The following MYT1 variants were observed in gnomAD, a reference collection of about 807,000 sequenced individuals.
MYT1 encodes myelin transcription factor I.
MYT1 carries 23 observed loss-of-function variants against 123.0 expected under a neutral mutation model. That is an observed-to-expected ratio of 0.19 (90% CI 0.13 to 0.26). The LOEUF is 0.26. Among genes scored for constraint, MYT1 ranks in the 10% least tolerant of loss-of-function variants. The pLI, the probability that MYT1 is intolerant of heterozygous loss-of-function variation, is 1.00. For synonymous variants in MYT1, 518 were observed against 575.3 expected (o/e 0.90, Z 1.43); for missense variants, 1,125 against 1,472.5 (o/e 0.76, Z 3.86).
chr20:64,208,473 G>A lies in MYT1; in HGVS notation c.1277G>A (p.Ser426Asn), dbSNP rs1166150664. 1 of 1,602,558 alleles carries A rather than the reference G, an allele frequency of 6.2e-7. No individual in the cohort carries two copies. Among genetic ancestry groups the A allele is most frequent in the Non-Finnish European group, 8.5e-7 (1 of 1,172,832 alleles). The part of the protein sequence containing the change: ...AAKPLDTVRK[S>N]YYSKDPSRAE... ...AAGCCCCTGGACACTGTGCGGAAGA[G>A]TTACTACAGTAAAGGTAGGGCTCAG... is the stretch of plus-strand genomic sequence containing the variant. Residue 426 changes from serine to asparagine, a missense_variant, in exon 7 of 23, where the codon AGT becomes AAT. Physicochemically the swap from Ser to Asn is conservative, Grantham distance 46. Transcript: ENST00000328439. The surrounding 1 kb of genome is among the most constrained non-coding windows in gnomAD (Gnocchi z 5.4).
At chr20:64,198,257 A>G (rs1212190328) in intron 2 of MYT1, among the ~76,000 whole-genome samples, 1 of 136,722 alleles carries the variant, frequency 7.3e-6, no homozygotes, top group Non-Finnish European at 1.5e-5. Context: ...ACTGCACTCC[A>G]GCCTGGGCGA....
In MYT1 at chr20:64,219,920, G is replaced by A. The variant is rs371317285; in HGVS notation, c.2179G>A (p.Glu727Lys). 10 of 1,559,314 alleles carry A rather than the reference G, an allele frequency of 6.4e-6. No individual in the cohort carries two copies. Among genetic ancestry groups the A allele is most frequent in the African/African-American group, 2.7e-5 (2 of 73,396 alleles). ...PQSSQASRQD[E>K]WDRPLDYTKP... ...GTCCAGCCAGGCCTCCCGCCAGGAC[G>A]AGTGGGACCGGCCCCTGGACTACAC... The change falls in exon 13 of 23, where the codon GAG (glutamate) becomes AAG (lysine). Residue 727 changes from glutamate to lysine, a missense_variant. Glu to Lys is a moderately conservative substitution (Grantham distance 56, BLOSUM62 1). Around this residue, in one of 4 missense-constraint regions of MYT1, gnomAD observed 429 missense variants for 604.1 expected, o/e 0.71. Coordinates refer to ENST00000328439, the MANE Select transcript of MYT1 (RefSeq NM_004535.3).
intron 16 of MYT1, 45 bp from the exon 17 acceptor site, chr20:64,227,370 A>G: frequency 6.2e-7 from 1 of 1,600,202 alleles, no homozygotes; most frequent in Non-Finnish European, 8.5e-7. Flanking sequence ...GGCCGGGGCT[A>G]AACGCCTTCA....
intron 15 of MYT1, 52 bp downstream of exon 15, chr20:64,223,225 C>T (rs1284214749): frequency 8.1e-6 from 13 of 1,613,236 alleles, no homozygotes; most frequent in Non-Finnish European, 1.1e-5. Flanking sequence ...GGTGGGTCTT[C>T]CTCCTCTCCT....
intron 19 of MYT1, among the ~76,000 whole-genome samples, chr20:64,236,273 G>C (rs1165325356): frequency 6.9e-6 from 1 of 145,366 alleles, no homozygotes; most frequent in Non-Finnish European, 1.5e-5. Context: ...GCGGTGGTGG[G>C]TGACCCGGGG....
intron 7 of MYT1, 132 bp from the exon 8 acceptor site, chr20:64,211,074 G>A: frequency 9.8e-7 from 1 of 1,017,354 alleles, no homozygotes; most frequent in Non-Finnish European, 1.4e-6. Flanking sequence ...CCCAGTCCCT[G>A]TTCAAGCTCA....
intron 1 of MYT1, among the ~76,000 whole-genome samples, chr20:64,188,123 C>T (rs1982865970): frequency 6.6e-6 from 1 of 152,198 alleles, no homozygotes; most frequent in African/African-American, 2.4e-5. Context: ...TCCAGACTCC[C>T]ATGGGTGGGT....
intron 21 of MYT1, 42 bp from the exon 22 acceptor site, chr20:64,239,718 G>C: frequency 6.2e-7 from 1 of 1,611,442 alleles, no homozygotes. Flanking sequence ...AGGAGGATGG[G>C]GGCCAAGGGC....
At chr20:64,236,481 CGTG>C in intron 19 of MYT1, 71 bp from the exon 20 acceptor site, 4 of 1,179,204 alleles carry the variant, frequency 3.4e-6, no homozygotes, top group Non-Finnish European at 5.0e-6. Flanking sequence ...CTGGGCTGGC[CGTG>C]GTATGTGACC....
At chr20:64,226,893 G>A (rs1035376638) in intron 16 of MYT1, among the ~76,000 whole-genome samples, 6 of 152,234 alleles carry the variant, frequency 3.9e-5, no homozygotes, top group African/African-American at 1.4e-4. Flanking sequence ...TGTGCAAAAA[G>A]GCCTCTGTTC....
intron 1 of MYT1, among the ~76,000 whole-genome samples, chr20:64,176,462 G>A (rs1982457363): frequency 6.6e-6 from 1 of 151,388 alleles, no homozygotes; most frequent in African/African-American, 2.4e-5. Context: ...CTGTAGTTGT[G>A]TCCATTTCCC....
At chr20:64,221,861 G>A (rs374898678) in intron 13 of MYT1, 32 bp from the exon 14 acceptor site, 44 of 1,609,470 alleles carry the variant, frequency 2.7e-5, no homozygotes, top group Non-Finnish European at 3.6e-5. Context: ...CCCGCCAGCC[G>A]GTTAAAACAT....
In MYT1 at chr20:64,167,320, G is replaced by A. The variant is rs1982112680; in HGVS notation, c.-99+2581G>A. On this transcript the variant is annotated intron_variant, in intron 1 of 22. Transcript: ENST00000328439. The surrounding 1 kb of genome is among the most constrained non-coding windows in gnomAD (Gnocchi z 6.3). ...CTTCCTGGACGGACTCAGTGCAAAA[G>A]GTGCGTCTACTTTGGAAAAGACTGA... 6.6e-6 allele frequency among the ~76,000 whole-genome samples: 1 copy of A among 152,206 alleles called. No homozygotes were observed. The highest frequency in any genetic ancestry group is 1.5e-5 in the Non-Finnish European group (1 of 68,036).
intron 1 of MYT1, among the ~76,000 whole-genome samples, chr20:64,177,209 C>T (rs1037210180): frequency 2.0e-5 from 3 of 152,206 alleles, no homozygotes; most frequent in South Asian, 2.1e-4. Context: ...AAAGTACCAG[C>T]GAGGCTGATT....
chr20:64,213,727 A>C lies in MYT1; in HGVS notation c.1631+80A>C. ...GGCTTCTCAGTCTCCCGCAGGCTGTATGTGCATGTGTGTGAGTGCATGTGT... is the reference window on the plus strand; with the variant it reads ...GGCTTCTCAGTCTCCCGCAGGCTGTCTGTGCATGTGTGTGAGTGCATGTGT... On this transcript the variant is annotated intron_variant, in intron 10 of 22. Coordinates refer to ENST00000328439, the MANE Select transcript of MYT1 (RefSeq NM_004535.3). The surrounding 1 kb of genome is among the most constrained non-coding windows in gnomAD (Gnocchi z 5.6). 1 of 1,151,770 alleles carries C rather than the reference A, an allele frequency of 8.7e-7. No homozygotes were observed. The highest frequency in any genetic ancestry group is 1.3e-6 in the Non-Finnish European group (1 of 775,978). The allele number at this position is 1,151,770 out of a possible 1,614,324, so 71.3% of individuals were successfully genotyped here.
Position 64,219,803 on chromosome 20 carries a change from A to T in MYT1, c.2062A>T (p.Ser688Cys). 1.2e-6 allele frequency: 2 copies of T among 1,613,790 alleles called. No individual in the cohort carries two copies. Among genetic ancestry groups the T allele is most frequent in the Non-Finnish European group, 1.7e-6 (2 of 1,179,880 alleles). The part of the protein sequence containing the change: ...KRENAFPSSS[S>C]CSSSPGVKSP... ...AGAAAATGCTTTCCCCAGCAGCAGCAGCTGCAGCAGCAGCCCCGGTGTGAA... is the reference window on the plus strand; with the variant it reads ...AGAAAATGCTTTCCCCAGCAGCAGCTGCTGCAGCAGCAGCCCCGGTGTGAA... Residue 688 changes from serine (S) to cysteine (C), a missense_variant, in exon 13 of 23, where the codon AGC (serine) becomes TGC (cysteine). Physicochemically the swap from Ser to Cys is moderately radical, Grantham distance 112. This residue lies in a region of MYT1 where 429 missense variants were observed against 604.1 expected (regional missense o/e 0.71). Coordinates refer to ENST00000328439, the MANE Select transcript of MYT1 (RefSeq NM_004535.3).
intron 16 of MYT1, among the ~76,000 whole-genome samples, chr20:64,227,006 G>A: frequency 6.6e-6 from 1 of 152,244 alleles, no homozygotes. Context: ...GCTCAGATAT[G>A]CTCTGAATGC....
chr20:64,224,729 T>C (rs895157909), intron 16 of MYT1, among the ~76,000 whole-genome samples: 4 of 152,220 alleles, frequency 2.6e-5, no homozygotes, highest in Admixed American at 2.0e-4. Flanking sequence ...GCCATCTTTC[T>C]TGCATTCCTT....
At chr20:64,171,646 C>T (rs868321409) in intron 1 of MYT1, among the ~76,000 whole-genome samples, 1 of 149,864 alleles carries the variant, frequency 6.7e-6, no homozygotes, top group Non-Finnish European at 1.5e-5. Context: ...GGAACCCAAA[C>T]CCTAACTCCC....
Sources: allele counts gnomAD v4.1 joint callset (sites outside exome capture counted in the v4.1 genomes callset), GRCh38; gene constraint gnomAD v4.1.1; regional missense constraint gnomAD v4.1.1; non-coding constraint Gnocchi (gnomAD v3.1); transcripts MANE v1.5; gene names NCBI Gene and HGNC (gene_info 2026-07-23, HGNC 2026-07-21).